The following EPHA6 variants were observed in gnomAD, a reference collection of about 807,000 sequenced individuals.
The protein encoded by EPHA6 is ephrin type-A receptor 6.
A neutral mutation model predicts 112.0 loss-of-function variants in EPHA6; 50 were observed. That is an observed-to-expected ratio of 0.45 (90% CI 0.36 to 0.56). The LOEUF (loss-of-function observed/expected upper bound fraction) is 0.56. Ranked by LOEUF, EPHA6 falls within the 20% of genes least tolerant of loss-of-function variation. The probability of loss-of-function intolerance (pLI) is 0.00; values close to 1 mark genes in which losing one functional copy is unlikely to be tolerated. For synonymous variants in EPHA6, 529 were observed against 490.7 expected (o/e 1.08, Z -1.03); for missense variants, 1,280 against 1,417.4 (o/e 0.90, Z 1.56).
chr3:97,103,083 GTT>G (rs1194149145), intron 3 of EPHA6, among the ~76,000 whole-genome samples: 1 of 152,016 alleles, frequency 6.6e-6, no homozygotes, highest in Non-Finnish European at 1.5e-5. Flanking sequence ...TAGGTTGTCT[GTT>G]TACTTACTCT....
At chr3:97,327,605 A>C (rs1451779755) in intron 5 of EPHA6, among the ~76,000 whole-genome samples, 2 of 151,858 alleles carry the variant, frequency 1.3e-5, no homozygotes, top group African/African-American at 2.4e-5. Flanking sequence ...GTTGCTTTTT[A>C]ATAATCACAC....
intron 5 of EPHA6, among the ~76,000 whole-genome samples, chr3:97,296,171 G>T (rs887186737): frequency 5.3e-5 from 8 of 152,054 alleles, no homozygotes; most frequent in African/African-American, 1.7e-4. Context: ...GTTTGCAGTG[G>T]GCTGGGTGGG....
At chr3:96,982,626 C>T (rs561176867) in intron 2 of EPHA6, among the ~76,000 whole-genome samples, 11 of 152,124 alleles carry the variant, frequency 7.2e-5, no homozygotes, top group Admixed American at 2.6e-4. Context: ...CTTTCTGTCT[C>T]ATTGATCTGT....
chr3:97,194,324 C>T (rs1480015630), intron 3 of EPHA6, among the ~76,000 whole-genome samples: 1 of 151,402 alleles, frequency 6.6e-6, no homozygotes, highest in South Asian at 2.1e-4. Context: ...TCTTCTTTTA[C>T]CCACTGGTCA....
chr3:97,190,527 T>A (rs1050609794), intron 3 of EPHA6, among the ~76,000 whole-genome samples: 3 of 152,146 alleles, frequency 2.0e-5, no homozygotes, highest in South Asian at 4.1e-4. Context: ...CTTTATGTGC[T>A]GCCTTAGTAT....
At chr3:97,539,509 C>T (rs757914899) in intron 11 of EPHA6, among the ~76,000 whole-genome samples, 3 of 152,072 alleles carry the variant, frequency 2.0e-5, no homozygotes, top group Admixed American at 6.6e-5. Flanking sequence ...ATGTGCCTGT[C>T]GTCCTGGGTC....
chr3:96,968,023 TA>T (rs1160989328), intron 2 of EPHA6, among the ~76,000 whole-genome samples: 1 of 151,814 alleles, frequency 6.6e-6, no homozygotes, highest in East Asian at 1.9e-4. Context: ...TTTATATGCT[TA>T]CTATTTTTTT....
At chr3:96,849,603 C>A (rs1443663158) in intron 1 of EPHA6, among the ~76,000 whole-genome samples, 4 of 152,074 alleles carry the variant, frequency 2.6e-5, no homozygotes, top group African/African-American at 9.7e-5. Flanking sequence ...GCACTATAAG[C>A]TGCTCTTATT....
intron 2 of EPHA6, among the ~76,000 whole-genome samples, chr3:96,911,746 A>G (rs982539628): frequency 6.6e-6 from 1 of 152,100 alleles, no homozygotes; most frequent in Non-Finnish European, 1.5e-5. Flanking sequence ...ATTAATCTAT[A>G]GCCTAGTAAT....
intron 5 of EPHA6, among the ~76,000 whole-genome samples, chr3:97,253,882 T>G (rs1218566614): frequency 6.6e-6 from 1 of 152,118 alleles, no homozygotes; most frequent in Non-Finnish European, 1.5e-5. Flanking sequence ...CCTATTTATT[T>G]AGTAGCTATG....
intron 2 of EPHA6, among the ~76,000 whole-genome samples, chr3:96,986,895 A>T (rs1464923041): frequency 6.6e-6 from 1 of 152,238 alleles, no homozygotes; most frequent in African/African-American, 2.4e-5. Context: ...GGATATAAGG[A>T]AAGATGGGAA....
intron 11 of EPHA6, among the ~76,000 whole-genome samples, chr3:97,539,027 C>CTTTCTTTCT (rs1560113143): frequency 1.3e-5 from 2 of 148,902 alleles, no homozygotes; most frequent in Non-Finnish European, 3.0e-5. Context: ...TTCTTTCTTT[C>CTTTCTTTCT]TTTCTTTCTT....
chr3:97,353,962 G>A (rs2083938138), intron 5 of EPHA6, among the ~76,000 whole-genome samples: 1 of 152,128 alleles, frequency 6.6e-6, no homozygotes, highest in Non-Finnish European at 1.5e-5. Context: ...GGAAAGTAAG[G>A]GAAGAGAACA....
chr3:97,013,945 T>C (rs1243280517), intron 3 of EPHA6, among the ~76,000 whole-genome samples: 1 of 152,122 alleles, frequency 6.6e-6, no homozygotes, highest in East Asian at 1.9e-4. Flanking sequence ...TATCTTATTT[T>C]TGTACTTCTC....
intron 5 of EPHA6, among the ~76,000 whole-genome samples, chr3:97,330,718 C>T (rs1291959955): frequency 1.3e-5 from 2 of 152,042 alleles, no homozygotes; most frequent in African/African-American, 2.4e-5. Context: ...TATATGCACC[C>T]AATACAGGAG....
chr3:97,602,719 C>T (rs1260123330), intron 12 of EPHA6, among the ~76,000 whole-genome samples: 1 of 152,026 alleles, frequency 6.6e-6, no homozygotes, highest in Non-Finnish European at 1.5e-5. Flanking sequence ...GTGCCTAGCA[C>T]ATTGAAGAAC....
intron 3 of EPHA6, among the ~76,000 whole-genome samples, chr3:97,074,452 T>A (rs938588347): frequency 3.3e-5 from 5 of 151,988 alleles, no homozygotes; most frequent in Non-Finnish European, 7.4e-5. Flanking sequence ...AATATATCCT[T>A]GGATAATCTG....
chr3:97,156,572 A>T (rs1033674456), intron 3 of EPHA6, among the ~76,000 whole-genome samples: 1 of 152,186 alleles, frequency 6.6e-6, no homozygotes, highest in African/African-American at 2.4e-5. Flanking sequence ...ATTAGCAGAT[A>T]AAAGTTATAG....
chr3:97,715,774 T>C (rs990869626), intron 14 of EPHA6, among the ~76,000 whole-genome samples: 19 of 152,164 alleles, frequency 1.2e-4, no homozygotes, highest in African/African-American at 4.6e-4. Context: ...TACACAAATA[T>C]ACAGTACTTC....
Sources: gnomAD v4.1 joint callset for allele counts (sites outside exome capture counted in the v4.1 genomes callset) on GRCh38, gnomAD v4.1.1 for gene constraint, MANE v1.5 for transcripts, NCBI Gene and HGNC (gene_info 2026-07-23, HGNC 2026-07-21) for gene names.